Variants in SLC25A21 observed in about 807,000 individuals in gnomAD.
SLC25A21 encodes the protein solute carrier family 25 member 21.
A neutral mutation model predicts 43.8 loss-of-function variants in SLC25A21; 47 were observed. The observed-to-expected ratio is 1.07, with a 90% CI of 0.85 to 1.37. SLC25A21 has a LOEUF of 1.37. Among genes scored for constraint, SLC25A21 ranks in the 40% most tolerant of loss-of-function variants. SLC25A21 has a pLI of 0.00. For synonymous variants in SLC25A21, 131 were observed against 121.3 expected (o/e 1.08, Z -0.52); for missense variants, 352 against 350.2 (o/e 1.00, Z -0.04).
At chr14:36,705,644 C>G (rs1198919700) in intron 7 of SLC25A21, among the ~76,000 whole-genome samples, 4 of 152,092 alleles carry the variant, frequency 2.6e-5, no homozygotes, top group African/African-American at 7.2e-5. Context: ...CATTTCCACT[C>G]CCCAGAGAAA....
Position 36,761,427 on chromosome 14 carries a change from A to G in SLC25A21, c.204-26854T>C, listed in dbSNP as rs2139278984. Among the ~76,000 whole-genome samples, 2 of 152,324 alleles carry G rather than the reference A, an allele frequency of 1.3e-5. 1 individual carries two copies. The highest frequency in any genetic ancestry group is 4.1e-4 in the South Asian group (2 of 4,826). ...GGAAAATATTTGCTCCTCTCTCTCTATAGAGTTGGCTTATTTTAAAGTTGA... is the reference window on the plus strand; with the variant it reads ...GGAAAATATTTGCTCCTCTCTCTCTGTAGAGTTGGCTTATTTTAAAGTTGA... On this transcript the variant is annotated intron_variant, in intron 3 of 9. Transcript: ENST00000331299.
At chr14:36,760,760 C>A (rs761812110) in intron 3 of SLC25A21, among the ~76,000 whole-genome samples, 2 of 152,106 alleles carry the variant, frequency 1.3e-5, no homozygotes, top group Non-Finnish European at 2.9e-5. Context: ...GGAATGCCAG[C>A]GTGCGTGTTT....
intron 1 of SLC25A21, among the ~76,000 whole-genome samples, chr14:37,168,300 C>G (rs1964065624): frequency 6.6e-6 from 1 of 152,080 alleles, no homozygotes. Flanking sequence ...TCACCTGAAT[C>G]TTTAAATTTA....
chr14:36,970,826 A>C (rs570283851), intron 1 of SLC25A21, among the ~76,000 whole-genome samples: 6 of 152,328 alleles, frequency 3.9e-5, no homozygotes, highest in Non-Finnish European at 7.3e-5. Context: ...CCTGAACTAC[A>C]AGTAAATGTA....
At chr14:37,144,784 G>GT (rs11418098) in intron 1 of SLC25A21, among the ~76,000 whole-genome samples, 7,636 of 151,474 alleles carry the variant, frequency 0.05, 641 homozygotes, top group African/African-American at 0.18. Context: ...GTTGTTTTGG[G>GT]TTTTTTTTTT....
At chr14:36,813,107 C>G (rs866584) in intron 3 of SLC25A21, among the ~76,000 whole-genome samples, 114,696 of 151,904 alleles carry the variant, frequency 0.76, 43,646 homozygotes, top group East Asian at 1. Context: ...CAAATTCTAG[C>G]ATACATGTGC....
intron 1 of SLC25A21, among the ~76,000 whole-genome samples, chr14:37,137,149 C>T (rs902468757): frequency 6.6e-6 from 1 of 152,188 alleles, no homozygotes; most frequent in Non-Finnish European, 1.5e-5. Flanking sequence ...AGGCGCCCGC[C>T]ACCTCGCCCA....
intron 1 of SLC25A21, among the ~76,000 whole-genome samples, chr14:37,012,259 A>T (rs1214892314): frequency 6.6e-6 from 1 of 152,206 alleles, no homozygotes; most frequent in African/African-American, 2.4e-5. Flanking sequence ...AATTGTTCTA[A>T]AATTTAGGAA....
chr14:36,689,817 G>T (rs1408783303), intron 7 of SLC25A21, among the ~76,000 whole-genome samples: 1 of 152,220 alleles, frequency 6.6e-6, no homozygotes, highest in Admixed American at 6.5e-5. Flanking sequence ...TATTCTGATG[G>T]ATGGTAAAGT....
At chr14:36,841,984 C>T (rs928038414) in intron 2 of SLC25A21, among the ~76,000 whole-genome samples, 4 of 152,170 alleles carry the variant, frequency 2.6e-5, no homozygotes, top group Non-Finnish European at 4.4e-5. Context: ...AGATTTTGGT[C>T]CCCTTGCTTC....
At chr14:36,856,866 G>A (rs1010042586) in intron 2 of SLC25A21, among the ~76,000 whole-genome samples, 3 of 152,174 alleles carry the variant, frequency 2.0e-5, no homozygotes, top group Non-Finnish European at 4.4e-5. Context: ...TGAGAGCTAT[G>A]GTTGACATGA....
chr14:36,809,041 T>A (rs558718722), intron 3 of SLC25A21: 9 of 152,278 alleles, frequency 5.9e-5, no homozygotes, highest in African/African-American at 2.2e-4. Flanking sequence ...TTTCATAAGA[T>A]GCTCTGAGAT....
chr14:37,131,032 AG>A (rs968031231), intron 1 of SLC25A21, among the ~76,000 whole-genome samples: 7 of 152,228 alleles, frequency 4.6e-5, no homozygotes, highest in African/African-American at 1.7e-4. Context: ...GAGAAAAACA[AG>A]GGGTGTTTCA....
intron 3 of SLC25A21, among the ~76,000 whole-genome samples, chr14:36,775,981 C>T (rs1886805006): frequency 2.0e-5 from 3 of 152,186 alleles, no homozygotes; most frequent in African/African-American, 4.8e-5. Flanking sequence ...AGGGTTACCA[C>T]CTCATTTTTC....
At chr14:36,699,106 GT>G (rs1008599214) in intron 7 of SLC25A21, among the ~76,000 whole-genome samples, 1 of 151,118 alleles carries the variant, frequency 6.6e-6, no homozygotes, top group Admixed American at 6.6e-5. Flanking sequence ...TGGGGTTTTG[GT>G]GTAGATGACC....
At position 36,932,314 on chromosome 14, in the gene SLC25A21, G is replaced by T. The variant is rs1316194589; in HGVS notation, c.71-57310C>A. 2.6e-5 allele frequency among the ~76,000 whole-genome samples: 4 copies of T among 152,222 alleles called. No individual in the cohort carries two copies. In the East Asian group the frequency reaches 7.7e-4, roughly 29 times the overall value. On this transcript the variant is annotated intron_variant, in intron 1 of 9. Coordinates refer to ENST00000331299, the MANE Select transcript of SLC25A21 (RefSeq NM_030631.4). ...ATGGCTCCATAAGTCAGAGCACTCAGTTGGAGTCCACGTTCTGCTCAGGTC... is the reference window on the plus strand; with the variant it reads ...ATGGCTCCATAAGTCAGAGCACTCATTTGGAGTCCACGTTCTGCTCAGGTC...
At position 36,711,355 on chromosome 14, in the gene SLC25A21, A is replaced by T; in HGVS notation, c.566T>A (p.Phe189Tyr). ...AATCATGTTTTTGACATTGTAGTAG[A>T]AGCCAAAATAAACCATGTTGAAAAC... ...HGVFNMVYFG[F>Y]YYNVKNMIPV... The change falls in exon 7 of 10, where the codon TTC becomes TAC. Residue 189 changes from phenylalanine to tyrosine, a missense_variant. Phe to Tyr is a conservative substitution (Grantham distance 22). Transcript: ENST00000331299. 1 of 1,614,140 alleles carries T rather than the reference A, an allele frequency of 6.2e-7. No homozygotes were observed. Among genetic ancestry groups the T allele is most frequent in the Non-Finnish European group, 8.5e-7 (1 of 1,180,006 alleles).
intron 1 of SLC25A21, among the ~76,000 whole-genome samples, chr14:36,955,135 CTTG>C (rs1345092802): frequency 6.6e-6 from 1 of 152,078 alleles, no homozygotes; most frequent in Non-Finnish European, 1.5e-5. Flanking sequence ...TCAATAAATG[CTTG>C]TTAAGTGGGT....
At chr14:36,898,474 G>A (rs1249700608) in intron 1 of SLC25A21, among the ~76,000 whole-genome samples, 2 of 152,192 alleles carry the variant, frequency 1.3e-5, no homozygotes, top group African/African-American at 4.8e-5. Flanking sequence ...CTGACCCCTT[G>A]TGCTTCCTGG....
Sources: gnomAD v4.1 joint callset for allele counts (sites outside exome capture counted in the v4.1 genomes callset) on GRCh38, gnomAD v4.1.1 for gene constraint, MANE v1.5 for transcripts, NCBI Gene and HGNC (gene_info 2026-07-23, HGNC 2026-07-21) for gene names.